PIN1: variants seen among roughly 807,000 people sequenced by gnomAD.
PIN1 encodes peptidylprolyl cis/trans isomerase, NIMA-interacting 1.
Under a neutral mutation model 19.9 loss-of-function variants are expected in PIN1, and 8 were observed. The observed-to-expected ratio is 0.40, with a 90% CI of 0.24 to 0.72. PIN1 has a LOEUF of 0.72. Ranked by LOEUF, PIN1 falls within the 30% of genes least tolerant of loss-of-function variation. The pLI, the probability that PIN1 is intolerant of heterozygous loss-of-function variation, is 0.37. For missense variants in PIN1, 185 were observed against 226.5 expected, an observed-to-expected ratio of 0.82 and a Z score of 1.18; for synonymous variants, 86 against 90.8, an observed-to-expected ratio of 0.95 and a Z score of 0.30.
chr19:9,848,410 T>C, intron 3 of PIN1: 1 of 471,192 alleles, frequency 2.1e-6, no homozygotes, highest in Non-Finnish European at 3.9e-6. Flanking sequence ...GATGTCCTCA[T>C]CCCAGGCCCA....
At chr19:9,836,257 GT>G (rs1187736609) in intron 1 of PIN1, 6 of 152,704 alleles carry the variant, frequency 3.9e-5, no homozygotes, top group African/African-American at 1.2e-4. Flanking sequence ...ATTCTCCTTG[GT>G]TGAGTGCCAG....
rs2046223689 is a variant in PIN1, at chr19:9,846,701, T to C, written c.272-1329T>C. ...GCACTGGCTAGGTCACCCAGCAGTG[T>C]TCCCGTGGGTCTCCAACAGGCTCCA... is the stretch of plus-strand genomic sequence containing the variant. On this transcript the variant is annotated intron_variant, in intron 2 of 3. Transcript: ENST00000247970. This position sits in a 1 kb window ranked among gnomAD's most constrained non-coding sequence, Gnocchi z 5.9. 6.6e-6 allele frequency among the ~76,000 whole-genome samples: 1 copy of C among 152,104 alleles called. No homozygotes were observed. The highest frequency in any genetic ancestry group is 2.1e-4 in the South Asian group (1 of 4,820).
Position 9,845,160 on chromosome 19 carries a change from C to G in PIN1, c.272-2870C>G, listed in dbSNP as rs892227735. Among the ~76,000 whole-genome samples, 9 of 152,264 alleles carry G rather than the reference C, an allele frequency of 5.9e-5. No individual in the cohort carries two copies. In the East Asian group the frequency reaches 1.7e-3, roughly 29 times the overall value. On this transcript the variant is annotated intron_variant, in intron 2 of 3. Coordinates refer to ENST00000247970, the MANE Select transcript of PIN1 (RefSeq NM_006221.4). ...TCGGAGGATGTCATTGTCGCGGGGT[C>G]AGGTACAGGCTGAGCTAACAAGACA...
chr19:9,840,661 T>G (rs1004372373), intron 2 of PIN1, among the ~76,000 whole-genome samples: 4 of 152,154 alleles, frequency 2.6e-5, no homozygotes, highest in African/African-American at 7.2e-5. Flanking sequence ...AGTGCAGTGT[T>G]CATAGCTCAC....
intron 3 of PIN1, 38 bp from the exon 4 acceptor site, chr19:9,849,052 C>T (rs2046248791): frequency 7.0e-7 from 1 of 1,423,572 alleles, no homozygotes; most frequent in African/African-American, 1.4e-5. Context: ...CTCTGCCAGC[C>T]CAGCCCTGAC....
rs1441736734 is a variant in PIN1, at chr19:9,849,575, C to G, written c.*376C>G. On this transcript the variant is annotated 3_prime_UTR_variant, in exon 4 of 4. Transcript: ENST00000247970. The stretch of plus-strand genomic sequence containing the variant: ...GAGGGCCGAATTGTTTCTAGTTAGG[C>G]CACGCTCCTCTGTTCAGTCGCAAAG... The G allele has an allele frequency of 1.8e-6, 1 of 561,876 alleles. No individual in the cohort carries two copies. The highest frequency in any genetic ancestry group is 1.9e-5 in the African/African-American group (1 of 53,678). The allele number at this position is 561,876 out of a possible 1,614,324, so 34.8% of individuals were successfully genotyped here. A position where few individuals can be genotyped will look rare whatever the true frequency, so the allele number is the denominator to read the frequency against.
chr19:9,849,404 G>A lies in PIN1; in HGVS notation c.*205G>A, dbSNP rs775248690. 7 of 731,894 alleles carry A rather than the reference G, an allele frequency of 9.6e-6. No individual in the cohort carries two copies. The highest frequency in any genetic ancestry group is 3.4e-5 in the African/African-American group (2 of 58,488). 45.3% of individuals were successfully genotyped at this position (731,894 alleles called of 1,614,324 possible). A position where few individuals can be genotyped will look rare whatever the true frequency, so the allele number is the denominator to read the frequency against. On this transcript the variant is annotated 3_prime_UTR_variant, in exon 4 of 4. Coordinates refer to ENST00000247970, the MANE Select transcript of PIN1 (RefSeq NM_006221.4). Reference sequence around the variant, plus strand: ...CCTGTCCATCCCCAGTTGGGGCTGCGACCGCCAGATTCTCCCTTAAGGAAT... The same window carrying A: ...CCTGTCCATCCCCAGTTGGGGCTGCAACCGCCAGATTCTCCCTTAAGGAAT...
At chr19:9,848,647 GA>G (rs917433733) in intron 3 of PIN1, 7 of 239,992 alleles carry the variant, frequency 2.9e-5, no homozygotes, top group African/African-American at 1.6e-4. Flanking sequence ...GGGGTCTACA[GA>G]AAAACATCAG....
chr19:9,847,473 C>T (rs1240540011), intron 2 of PIN1, among the ~76,000 whole-genome samples: 2 of 152,212 alleles, frequency 1.3e-5, no homozygotes, highest in African/African-American at 4.8e-5. Context: ...GCAGAGCCCA[C>T]CAGGGTGCCT....
At chr19:9,841,710 G>A (rs2046167849) in intron 2 of PIN1, among the ~76,000 whole-genome samples, 1 of 152,194 alleles carries the variant, frequency 6.6e-6, no homozygotes, top group Admixed American at 6.5e-5. Context: ...GGTTCTGGTT[G>A]CCCCAGAGCA....
Position 9,846,487 on chromosome 19 carries a change from T to A in PIN1, c.272-1543T>A, listed in dbSNP as rs1200493397. ...GCAGCAGGTCGTGGTGACATCCAGC[T>A]CAGATACCAGGACACTGGTGGCTGC... On this transcript the variant is annotated intron_variant, in intron 2 of 3. Coordinates refer to ENST00000247970, the MANE Select transcript of PIN1 (RefSeq NM_006221.4). This position sits in a 1 kb window ranked among gnomAD's most constrained non-coding sequence, Gnocchi z 5.9. Among the ~76,000 whole-genome samples the A allele has an allele frequency of 6.6e-6, 1 of 152,042 alleles. No homozygotes were observed. Among genetic ancestry groups the A allele is most frequent in the African/African-American group, 2.4e-5 (1 of 41,398 alleles).
At position 9,838,324 on chromosome 19, in the gene PIN1, T is replaced by G. The variant is rs1303137998; in HGVS notation, c.59-112T>G. 1 of 806,296 alleles carries G rather than the reference T, an allele frequency of 1.2e-6. No individual in the cohort carries two copies. Among genetic ancestry groups the G allele is most frequent in the Non-Finnish European group, 2.1e-6 (1 of 469,422 alleles). 49.9% of individuals were successfully genotyped at this position (806,296 alleles called of 1,614,324 possible). A position where few individuals can be genotyped will look rare whatever the true frequency, so the allele number is the denominator to read the frequency against. ...CATGGTGGATACACCATGGATTTGT[T>G]GAATGAAGGCGCCCCCTGCAAGCCA... On this transcript the variant is annotated intron_variant, in intron 1 of 3. Transcript: ENST00000247970. This position sits in a 1 kb window ranked among gnomAD's most constrained non-coding sequence, Gnocchi z 5.8.
intron 3 of PIN1, 164 bp downstream of exon 3, chr19:9,848,304 G>T (rs1193188055): frequency 4.8e-6 from 3 of 626,974 alleles, no homozygotes; most frequent in Middle Eastern, 4.3e-4. Flanking sequence ...GCTCTGCTGG[G>T]CAGGGCCAGG....
At position 9,838,358 on chromosome 19, in the gene PIN1, C is replaced by A; in HGVS notation, c.59-78C>A. 8.5e-7 allele frequency: 1 copy of A among 1,171,432 alleles called. No individual in the cohort carries two copies. Among genetic ancestry groups the A allele is most frequent in the Non-Finnish European group, 1.2e-6 (1 of 801,018 alleles). The allele number at this position is 1,171,432 out of a possible 1,614,324, so 72.6% of individuals were successfully genotyped here. On this transcript the variant is annotated intron_variant, in intron 1 of 3. Coordinates refer to ENST00000247970, the MANE Select transcript of PIN1 (RefSeq NM_006221.4). This position sits in a 1 kb window ranked among gnomAD's most constrained non-coding sequence, Gnocchi z 5.8. ...GCGCCCCCTGCAAGCCAGGCCCTCA[C>A]CCTGGCTTCTGGCTGTGGGCCCAGG...
chr19:9,843,082 G>A (rs1438318511), intron 2 of PIN1, among the ~76,000 whole-genome samples: 1 of 152,248 alleles, frequency 6.6e-6, no homozygotes, highest in Non-Finnish European at 1.5e-5. Flanking sequence ...GTCTAAGGAG[G>A]ATGGGCCATG....
Position 9,838,349 on chromosome 19 carries a change from A to G in PIN1, c.59-87A>G. 1.9e-6 allele frequency: 2 copies of G among 1,054,900 alleles called. No individual in the cohort carries two copies. The highest frequency in any genetic ancestry group is 2.9e-6 in the Non-Finnish European group (2 of 695,290). The allele number at this position is 1,054,900 out of a possible 1,614,324, so 65.3% of individuals were successfully genotyped here. ...TGAATGAAGGCGCCCCCTGCAAGCC[A>G]GGCCCTCACCCTGGCTTCTGGCTGT... On this transcript the variant is annotated intron_variant, in intron 1 of 3. Transcript: ENST00000247970. This position sits in a 1 kb window ranked among gnomAD's most constrained non-coding sequence, Gnocchi z 5.8.
At position 9,848,052 on chromosome 19, in the gene PIN1, G is replaced by C; in HGVS notation, c.294G>C (p.Ser98=). The C allele has an allele frequency of 6.2e-7, 1 of 1,611,746 alleles. No homozygotes were observed. Among genetic ancestry groups the C allele is most frequent in the Non-Finnish European group, 8.5e-7 (1 of 1,178,036 alleles). ...CAGGCTACATCCAGAAGATCAAGTC[G>C]GGAGAGGAGGACTTTGAGTCTCTGG... The part of the protein sequence containing the change: ...LINGYIQKIK[S]GEEDFESLAS... The change falls in exon 3 of 4, where the codon TCG becomes TCC. Residue 98 remains serine, a synonymous_variant. Transcript: ENST00000247970.
chr19:9,848,377 G>A (rs35394313), intron 3 of PIN1: 1 of 541,360 alleles, frequency 1.8e-6, no homozygotes. Context: ...TGGGGGGCAT[G>A]GTCTCTTGTG....
chr19:9,844,049 C>CA (rs919440454), intron 2 of PIN1, among the ~76,000 whole-genome samples: 9 of 146,774 alleles, frequency 6.1e-5, no homozygotes, highest in South Asian at 2.2e-4. Flanking sequence ...GATTCTGCCT[C>CA]AAAAAAAAAA....
Sources: allele counts gnomAD v4.1 joint callset (sites outside exome capture counted in the v4.1 genomes callset), GRCh38; gene constraint gnomAD v4.1.1; non-coding constraint Gnocchi (gnomAD v3.1); transcripts MANE v1.5; gene names NCBI Gene and HGNC (gene_info 2026-07-23, HGNC 2026-07-21).